Variants in ANKS1B observed in about 807,000 individuals in gnomAD.
ANKS1B encodes ankyrin repeat and sterile alpha motif domain-containing protein 1B.
A neutral mutation model predicts 148.3 loss-of-function variants in ANKS1B; 36 were observed. The ratio of observed to expected loss-of-function variants is 0.24; its 90% CI spans 0.19 to 0.32. The LOEUF is 0.32. Among genes scored for constraint, ANKS1B ranks in the 10% least tolerant of loss-of-function variants. ANKS1B has a pLI of 1.00. For missense variants in ANKS1B, 1,157 were observed against 1,542.6 expected, an observed-to-expected ratio of 0.75 and a Z score of 4.19; for synonymous variants, 542 against 560.8, an observed-to-expected ratio of 0.97 and a Z score of 0.47.
intron 17 of ANKS1B, among the ~76,000 whole-genome samples, chr12:98,993,322 C>T (rs1039782599): frequency 2.6e-5 from 4 of 152,160 alleles, no homozygotes; most frequent in Admixed American, 2.0e-4. Context: ...TGCACGCCAC[C>T]ATGCCTGGCT....
At chr12:99,268,132 G>C (rs2076640333) in intron 12 of ANKS1B, among the ~76,000 whole-genome samples, 2 of 152,024 alleles carry the variant, frequency 1.3e-5, no homozygotes, top group African/African-American at 4.8e-5. Context: ...AATAGATACA[G>C]GACTATCAAG....
chr12:99,057,049 C>T (rs1347127252), intron 16 of ANKS1B, among the ~76,000 whole-genome samples: 1 of 152,178 alleles, frequency 6.6e-6, no homozygotes. Flanking sequence ...TGTTTACTAT[C>T]ATATCTAATT....
chr12:99,727,075 G>C (rs2058689452), intron 8 of ANKS1B, among the ~76,000 whole-genome samples: 1 of 151,994 alleles, frequency 6.6e-6, no homozygotes, highest in Non-Finnish European at 1.5e-5. Context: ...TTTGAAAACT[G>C]GTGCAAGACA....
At chr12:99,458,204 A>C (rs1343953602) in intron 10 of ANKS1B, among the ~76,000 whole-genome samples, 1 of 152,070 alleles carries the variant, frequency 6.6e-6, no homozygotes, top group African/African-American at 2.4e-5. Flanking sequence ...ATCAATATGA[A>C]AATTAAAAAA....
Position 99,100,777 on chromosome 12 carries a change from G to A in ANKS1B, c.2527-15754C>T, listed in dbSNP as rs1004820010. 3.9e-5 allele frequency among the ~76,000 whole-genome samples: 6 copies of A among 152,154 alleles called. No individual in the cohort carries two copies. The East Asian group carries it at 5.8e-4, about 15-fold the overall frequency. On this transcript the variant is annotated intron_variant, in intron 15 of 26. Transcript: ENST00000683438. ...ACTCCTGACCTCAAATGATCCACCC[G>A]CCTCAGACTCCTAAAGTGCTGGGAT...
At chr12:99,070,721 C>T (rs1382264038) in intron 16 of ANKS1B, among the ~76,000 whole-genome samples, 1 of 152,144 alleles carries the variant, frequency 6.6e-6, no homozygotes, top group Non-Finnish European at 1.5e-5. Flanking sequence ...TTCTGCTGTC[C>T]AGACTGGAGT....
intron 1 of ANKS1B, among the ~76,000 whole-genome samples, chr12:99,839,802 C>T (rs1373821160): frequency 6.6e-6 from 1 of 152,098 alleles, no homozygotes; most frequent in East Asian, 1.9e-4. Flanking sequence ...GGATTCAAAC[C>T]ACAGCATGCC....
At chr12:99,911,580 C>T (rs1302327036) in intron 1 of ANKS1B, among the ~76,000 whole-genome samples, 3 of 152,268 alleles carry the variant, frequency 2.0e-5, no homozygotes, top group African/African-American at 7.2e-5. Context: ...GCATAATTAA[C>T]ATTTACTTAT....
At chr12:99,058,529 A>G (rs2041099108) in intron 16 of ANKS1B, among the ~76,000 whole-genome samples, 1 of 151,962 alleles carries the variant, frequency 6.6e-6, no homozygotes, top group Admixed American at 6.6e-5. Context: ...GATTACAGGC[A>G]CAAGCCACTG....
At chr12:99,703,514 T>C (rs1228270204) in intron 8 of ANKS1B, among the ~76,000 whole-genome samples, 1 of 152,118 alleles carries the variant, frequency 6.6e-6, no homozygotes, top group Non-Finnish European at 1.5e-5. Context: ...CATATTATCC[T>C]GTTTCACGCC....
intron 17 of ANKS1B, among the ~76,000 whole-genome samples, chr12:98,918,426 C>T (rs765765360): frequency 2.0e-5 from 3 of 152,324 alleles, no homozygotes; most frequent in East Asian, 1.9e-4. Flanking sequence ...GAAGCTAGGT[C>T]GTAGCAGGAA....
intron 20 of ANKS1B, among the ~76,000 whole-genome samples, chr12:98,805,507 G>A (rs2099044326): frequency 6.6e-6 from 1 of 152,156 alleles, no homozygotes; most frequent in Non-Finnish European, 1.5e-5. Context: ...GTCTGGGTGA[G>A]TCTGAAGGAC....
chr12:99,774,795 TAC>T, intron 7 of ANKS1B, among the ~76,000 whole-genome samples: 1 of 149,966 alleles, frequency 6.7e-6, no homozygotes, highest in Admixed American at 6.7e-5. Flanking sequence ...ATATACACAC[TAC>T]ACAAACAATG....
intron 8 of ANKS1B, among the ~76,000 whole-genome samples, chr12:99,729,873 T>C (rs892040185): frequency 3.3e-5 from 5 of 152,200 alleles, no homozygotes; most frequent in Non-Finnish European, 5.9e-5. Flanking sequence ...AAGTAATGAG[T>C]ATTTTTCCCT....
At chr12:98,884,576 G>A (rs2099733352) in intron 17 of ANKS1B, among the ~76,000 whole-genome samples, 1 of 151,338 alleles carries the variant, frequency 6.6e-6, no homozygotes, top group Non-Finnish European at 1.5e-5. Flanking sequence ...GAGGCGGGTG[G>A]ATCATGAGGT....
chr12:99,835,239 C>G (rs1291890599), intron 1 of ANKS1B, among the ~76,000 whole-genome samples: 1 of 142,766 alleles, frequency 7.0e-6, no homozygotes, highest in Non-Finnish European at 1.5e-5. Flanking sequence ...AGGTGAAACC[C>G]CATCTCTACA....
chr12:99,434,684 T>A (rs1003060565), intron 11 of ANKS1B, among the ~76,000 whole-genome samples: 5 of 152,126 alleles, frequency 3.3e-5, no homozygotes, highest in Non-Finnish European at 7.4e-5. Flanking sequence ...CATTTGCATC[T>A]CTTCCAAAAC....
chr12:99,065,590 TCATCCATCCATC>T (rs200122902), intron 16 of ANKS1B, among the ~76,000 whole-genome samples: 2 of 67,472 alleles, frequency 3.0e-5, no homozygotes, highest in South Asian at 8.6e-4. Context: ...TCCATTCCAT[TCATCCATCCATC>T]CATCCATCCA....
At chr12:98,749,784 G>A (rs2153386742) in intron 26 of ANKS1B, among the ~76,000 whole-genome samples, 1 of 152,294 alleles carries the variant, frequency 6.6e-6, no homozygotes, top group Admixed American at 6.5e-5. Context: ...GTGGGGAGGG[G>A]AGTCTCAAGG....
Sources: gnomAD v4.1 joint callset for allele counts (sites outside exome capture counted in the v4.1 genomes callset) on GRCh38, gnomAD v4.1.1 for gene constraint, MANE v1.5 for transcripts, NCBI Gene and HGNC (gene_info 2026-07-23, HGNC 2026-07-21) for gene names.